Variants in ZNF827 observed in about 807,000 individuals in gnomAD.
ZNF827 encodes the protein zinc finger protein 827.
Under a neutral mutation model 102.4 loss-of-function variants are expected in ZNF827, and 13 were observed. The ratio of observed to expected loss-of-function variants is 0.13; its 90% CI spans 0.08 to 0.20. The LOEUF is 0.20. ZNF827 is among the 10% of genes least tolerant of loss of function. The probability of loss-of-function intolerance (pLI) is 1.00; values close to 1 mark genes in which losing one functional copy is unlikely to be tolerated. For synonymous variants in ZNF827, 523 were observed against 536.2 expected (o/e 0.98, Z 0.34); for missense variants, 1,103 against 1,344.4 (o/e 0.82, Z 2.81).
At chr4:145,934,339 A>G (rs971637589) in intron 1 of ZNF827, among the ~76,000 whole-genome samples, 1 of 152,224 alleles carries the variant, frequency 6.6e-6, no homozygotes, top group Non-Finnish European at 1.5e-5. Flanking sequence ...CCCATATAAC[A>G]AAGCAAACAC....
chr4:145,809,971 GT>G (rs1049449207), intron 8 of ZNF827, among the ~76,000 whole-genome samples: 26 of 152,288 alleles, frequency 1.7e-4, no homozygotes, highest in African/African-American at 6.0e-4. Flanking sequence ...CAGTGAATTG[GT>G]TTTGTCTGTG....
intron 8 of ZNF827, among the ~76,000 whole-genome samples, chr4:145,795,431 A>C (rs1322280691): frequency 6.6e-6 from 1 of 152,204 alleles, no homozygotes; most frequent in African/African-American, 2.4e-5. Context: ...TATAGGCATG[A>C]GCCACTGTGC....
Position 145,902,807 on chromosome 4 carries a change from C to A in ZNF827, c.452G>T (p.Gly151Val), listed in dbSNP as rs769400459. Residue 151 changes from glycine to valine, a missense_variant, in exon 2 of 15, where the codon GGC (glycine) becomes GTC (valine). Physicochemically the swap from Gly to Val is moderately radical, Grantham distance 109. Transcript: ENST00000508784. The surrounding 1 kb of genome is among the most constrained non-coding windows in gnomAD (Gnocchi z 4.3). Reference protein sequence around the residue: ...NGRVESPVNVGSNLSFSPPSH... With the variant: ...NGRVESPVNVVSNLSFSPPSH... The stretch of plus-strand genomic sequence containing the variant: ...AGGCGGGGAAAAGGAGAGGTTCGAG[C>A]CAACGTTTACGGGGGACTCCACTCT... 1.2e-6 allele frequency: 2 copies of A among 1,614,120 alleles called. No homozygotes were observed. Among genetic ancestry groups the A allele is most frequent in the South Asian group, 2.2e-5 (2 of 91,062 alleles).
intron 7 of ZNF827, among the ~76,000 whole-genome samples, chr4:145,844,509 G>A (rs542099876): frequency 1.3e-5 from 2 of 151,406 alleles, no homozygotes; most frequent in South Asian, 2.1e-4. Flanking sequence ...GCGAAACCCT[G>A]TCTTTACAAA....
At chr4:145,855,324 C>A (rs1242774833) in intron 5 of ZNF827, among the ~76,000 whole-genome samples, 2 of 152,146 alleles carry the variant, frequency 1.3e-5, no homozygotes, top group Non-Finnish European at 2.9e-5. Flanking sequence ...TGGGATAAAT[C>A]AAAAATCTTT....
intron 4 of ZNF827, among the ~76,000 whole-genome samples, chr4:145,881,611 A>G (rs540423837): frequency 6.6e-6 from 1 of 152,326 alleles, no homozygotes; most frequent in South Asian, 2.1e-4. Context: ...GCTTCTAATA[A>G]TGACGACCCT....
In ZNF827 at chr4:145,760,705, T is replaced by G; in HGVS notation, c.*911A>C. 1.5e-5 allele frequency: 15 copies of G among 1,008,340 alleles called. No individual in the cohort carries two copies. The highest frequency in any genetic ancestry group is 1.8e-5 in the Non-Finnish European group (15 of 820,262). 62.5% of individuals were successfully genotyped at this position (1,008,340 alleles called of 1,614,324 possible). A position where few individuals can be genotyped will look rare whatever the true frequency, so the allele number is the denominator to read the frequency against. ...CAGCAACATACACCTGCTGGGGTTGTGTTTAAGTTTTGTGGTTTTTTTTTT... is the reference window on the plus strand; with the variant it reads ...CAGCAACATACACCTGCTGGGGTTGGGTTTAAGTTTTGTGGTTTTTTTTTT... On this transcript the variant is annotated 3_prime_UTR_variant, in exon 15 of 15. Coordinates refer to ENST00000508784, the MANE Select transcript of ZNF827 (RefSeq NM_001306215.2).
chr4:145,859,342 G>A (rs1747483108), intron 5 of ZNF827, among the ~76,000 whole-genome samples: 1 of 152,134 alleles, frequency 6.6e-6, no homozygotes, highest in African/African-American at 2.4e-5. Flanking sequence ...AAGGAAGGAG[G>A]TCACAAAGAA....
intron 5 of ZNF827, among the ~76,000 whole-genome samples, chr4:145,864,418 TACAAAAA>T (rs1747996318): frequency 2.5e-5 from 1 of 39,574 alleles, no homozygotes; most frequent in Non-Finnish European, 5.0e-5. Flanking sequence ...ACCTTGTCTC[TACAAAAA>T]AAAAAAAAAA....
chr4:145,929,747 T>C (rs1369578481), intron 1 of ZNF827, among the ~76,000 whole-genome samples: 1 of 152,216 alleles, frequency 6.6e-6, no homozygotes, highest in Admixed American at 6.5e-5. Context: ...TTCACATACT[T>C]AATAATAAGT....
intron 4 of ZNF827, among the ~76,000 whole-genome samples, chr4:145,882,306 A>C (rs1749735131): frequency 6.6e-6 from 1 of 152,144 alleles, no homozygotes; most frequent in Admixed American, 6.5e-5. Flanking sequence ...TGAAATCTAC[A>C]AAATTCATTT....
At chr4:145,851,291 TAGATAGAC>T (rs796891796) in intron 5 of ZNF827, among the ~76,000 whole-genome samples, 154 of 137,298 alleles carry the variant, frequency 1.1e-3, no homozygotes, top group African/African-American at 3.9e-3. Context: ...GATAGATAGA[TAGATAGAC>T]AGACAGACAG....
chr4:145,870,303 A>ACTTCC lies in ZNF827; in HGVS notation c.1918_1922dup (p.Ser641ArgfsTer5). On this transcript the variant is annotated frameshift_variant, in exon 5 of 15. Transcript: ENST00000508784. LOFTEE classifies it high-confidence loss of function. Reference sequence around the variant, plus strand: ...TGACTGACACATCCCGCCTTAGCACACTTCCCTTCCCTTCCTGGGGCTTTA... The same window carrying ACTTCC: ...TGACTGACACATCCCGCCTTAGCACACTTCCCTTCCCTTCCCTTCCTGGGGCTTTA... 2 of 1,614,080 alleles carry ACTTCC rather than the reference A, an allele frequency of 1.2e-6. No individual in the cohort carries two copies. Among genetic ancestry groups the ACTTCC allele is most frequent in the Non-Finnish European group, 1.7e-6 (2 of 1,179,988 alleles).
In ZNF827 at chr4:145,807,152, G is replaced by A. The variant is rs562589864; in HGVS notation, c.2383+16270C>T. The stretch of plus-strand genomic sequence containing the variant: ...AATTTGTTGGAATTTCACCTTCTGG[G>A]GAGTCTTTTCCTGACCACTGTTGTT... On this transcript the variant is annotated intron_variant, in intron 8 of 14. Coordinates refer to ENST00000508784, the MANE Select transcript of ZNF827 (RefSeq NM_001306215.2). Among the ~76,000 whole-genome samples, 10 of 152,184 alleles carry A rather than the reference G, an allele frequency of 6.6e-5. No homozygotes were observed. In the East Asian group the frequency reaches 1.9e-3, roughly 29 times the overall value.
chr4:145,808,190 A>G (rs1741672289), intron 8 of ZNF827, among the ~76,000 whole-genome samples: 1 of 152,124 alleles, frequency 6.6e-6, no homozygotes, highest in Non-Finnish European at 1.5e-5. Flanking sequence ...ATCTTGCCAC[A>G]AAATGGTTAC....
chr4:145,874,291 T>C (rs1177094691), intron 4 of ZNF827, among the ~76,000 whole-genome samples: 1 of 152,244 alleles, frequency 6.6e-6, no homozygotes, highest in Non-Finnish European at 1.5e-5. Context: ...GTTTTCATTC[T>C]GACAATACAG....
chr4:145,801,959 T>C (rs2127108390), intron 8 of ZNF827, among the ~76,000 whole-genome samples: 1 of 152,148 alleles, frequency 6.6e-6, no homozygotes, highest in Middle Eastern at 3.4e-3. Flanking sequence ...CTGCTATTCA[T>C]AGGAAAAGAT....
intron 2 of ZNF827, among the ~76,000 whole-genome samples, chr4:145,893,500 T>C (rs1431399497): frequency 6.6e-6 from 1 of 152,242 alleles, no homozygotes; most frequent in East Asian, 1.9e-4. Flanking sequence ...TCCAAGATAT[T>C]AGCATTGGTG....
At chr4:145,791,709 A>G (rs576151793) in intron 8 of ZNF827, among the ~76,000 whole-genome samples, 1 of 152,312 alleles carries the variant, frequency 6.6e-6, no homozygotes, top group East Asian at 1.9e-4. Context: ...CGAATAGCTA[A>G]GATTTATTTA....
Sources: allele counts gnomAD v4.1 joint callset (sites outside exome capture counted in the v4.1 genomes callset), GRCh38; gene constraint gnomAD v4.1.1; non-coding constraint Gnocchi (gnomAD v3.1); transcripts MANE v1.5; gene names NCBI Gene and HGNC (gene_info 2026-07-23, HGNC 2026-07-21).